Variants in S100Z observed in about 807,000 individuals in gnomAD.
The protein encoded by S100Z is protein S100-Z.
S100Z carries 11 observed loss-of-function variants against 8.5 expected under a neutral mutation model. That is an observed-to-expected ratio of 1.30 (90% CI 0.82 to 2.15). The LOEUF is 2.15. S100Z is among the 30% of genes most tolerant of loss of function. The pLI, the probability that S100Z is intolerant of heterozygous loss-of-function variation, is 0.00. For missense variants in S100Z, 126 were observed against 117.9 expected (o/e 1.07, Z -0.32); for synonymous variants, 34 against 43.8 (o/e 0.78, Z 0.89).
At chr5:76,866,156 C>T (rs763033242) in intron 1 of S100Z, among the ~76,000 whole-genome samples, 5 of 149,810 alleles carry the variant, frequency 3.3e-5, no homozygotes, top group Middle Eastern at 3.2e-3. Context: ...GTGATCTTGG[C>T]TCACTGCAAC....
chr5:76,929,815 A>C, the S100Z span, among the ~76,000 whole-genome samples: 1 of 152,240 alleles, frequency 6.6e-6, no homozygotes, highest in African/African-American at 2.4e-5. Flanking sequence ...GGTGTTATTT[A>C]CCATACCAAA....
At chr5:76,934,917 G>T in the S100Z span, among the ~76,000 whole-genome samples, 2,356 of 152,282 alleles carry the variant, frequency 0.015, 29 homozygotes, top group Non-Finnish European at 0.026. Context: ...CTCCTGGAGG[G>T]ATTTCCAACG....
At chr5:76,938,873 A>G in the S100Z span, among the ~76,000 whole-genome samples, 21 of 152,300 alleles carry the variant, frequency 1.4e-4, no homozygotes, top group South Asian at 4.4e-3. Flanking sequence ...TCATGCAAAA[A>G]AAATTCTAAA....
the S100Z span, among the ~76,000 whole-genome samples, chr5:76,930,642 C>T: frequency 6.6e-6 from 1 of 152,082 alleles, no homozygotes; most frequent in South Asian, 2.1e-4. Context: ...CTGAAAATTC[C>T]CTGTTAGCTT....
chr5:76,923,588 G>A (rs7445566), downstream of S100Z, among the ~76,000 whole-genome samples: 2 of 151,078 alleles, frequency 1.3e-5, no homozygotes, highest in Non-Finnish European at 3.0e-5. Context: ...TCCCACCCAC[G>A]ATGGTTCCTC....
intron 1 of S100Z, among the ~76,000 whole-genome samples, chr5:76,857,120 C>T (rs1029471428): frequency 1.2e-4 from 18 of 152,136 alleles, no homozygotes; most frequent in African/African-American, 3.9e-4. Context: ...GGTGAAACCC[C>T]GTCTCTACTA....
chr5:76,912,881 T>G (rs1744716966), intron 4 of S100Z, among the ~76,000 whole-genome samples: 3 of 70,088 alleles, frequency 4.3e-5, no homozygotes, highest in African/African-American at 1.8e-4. Flanking sequence ...AAAGAAGGAG[T>G]CAGAGAGAGA....
At chr5:76,875,032 G>A (rs925481177) in intron 2 of S100Z, among the ~76,000 whole-genome samples, 5 of 152,132 alleles carry the variant, frequency 3.3e-5, no homozygotes, top group Non-Finnish European at 7.4e-5. Context: ...GGGACTACAG[G>A]CGCCCGCCGC....
chr5:76,854,046 A>G (rs1483628399), intron 1 of S100Z, among the ~76,000 whole-genome samples: 1 of 152,142 alleles, frequency 6.6e-6, no homozygotes, highest in African/African-American at 2.4e-5. Context: ...AAGTTTCCTG[A>G]GGCCTCCCCA....
At chr5:76,882,735 T>C (rs1464439818) in intron 4 of S100Z, among the ~76,000 whole-genome samples, 2 of 152,216 alleles carry the variant, frequency 1.3e-5, no homozygotes, top group Admixed American at 1.3e-4. Context: ...TAATGGGGGC[T>C]GTCCGTGAAG....
chr5:76,875,953 G>C (rs943923938), intron 3 of S100Z, among the ~76,000 whole-genome samples: 1 of 152,186 alleles, frequency 6.6e-6, no homozygotes, highest in Non-Finnish European at 1.5e-5. Flanking sequence ...AATACTTAGA[G>C]AGCTTTGTCA....
chr5:76,939,440 C>T, the S100Z span, among the ~76,000 whole-genome samples: 1 of 150,408 alleles, frequency 6.6e-6, no homozygotes, highest in African/African-American at 2.4e-5. Context: ...GCGTGAGCCA[C>T]TGCGCCTGGC....
chr5:76,934,006 A>G, the S100Z span, among the ~76,000 whole-genome samples: 1 of 152,242 alleles, frequency 6.6e-6, no homozygotes, highest in South Asian at 2.1e-4. Flanking sequence ...CATTTAGCAT[A>G]GTGTTTTCAA....
Position 76,912,836 on chromosome 5 carries a change from G to A in S100Z, c.*3-7881G>A, listed in dbSNP as rs1184941235. Among the ~76,000 whole-genome samples the A allele has an allele frequency of 4.0e-5, 6 of 151,874 alleles. No individual in the cohort carries two copies. The South Asian group carries it at 1.0e-3, about 26-fold the overall frequency. ...CCAGCAGAAAGAAAAGAGAGAAAGA[G>A]ACAGAAAGAGAGAGAGAGAGGAAGA... On this transcript the variant is annotated intron_variant, in intron 4 of 4. Coordinates refer to ENST00000317593, the MANE Select transcript of S100Z (RefSeq NM_130772.4).
chr5:76,924,881 C>A (rs1346111159), downstream of S100Z, among the ~76,000 whole-genome samples: 1 of 151,154 alleles, frequency 6.6e-6, no homozygotes, highest in African/African-American at 2.4e-5. Flanking sequence ...CCACGGCACT[C>A]CAGCCTGGGC....
chr5:76,915,704 G>A (rs1429104172), intron 4 of S100Z, among the ~76,000 whole-genome samples: 1 of 152,144 alleles, frequency 6.6e-6, no homozygotes, highest in African/African-American at 2.4e-5. Context: ...TACATTAAAT[G>A]TAAATGGTTT....
chr5:76,879,073 G>A (rs371406374), intron 4 of S100Z, among the ~76,000 whole-genome samples: 2 of 152,230 alleles, frequency 1.3e-5, no homozygotes, highest in East Asian at 3.9e-4. Flanking sequence ...AATAGTTCTG[G>A]ACAATGTGAG....
intron 1 of S100Z, among the ~76,000 whole-genome samples, chr5:76,866,081 TTTTG>T (rs1168995806): frequency 2.0e-5 from 3 of 151,126 alleles, no homozygotes; most frequent in Non-Finnish European, 2.9e-5. Flanking sequence ...AAAGAAAAAT[TTTTG>T]TTTGTTTGCT....
At chr5:76,933,473 A>G in the S100Z span, among the ~76,000 whole-genome samples, 3 of 151,968 alleles carry the variant, frequency 2.0e-5, no homozygotes, top group African/African-American at 7.3e-5. Flanking sequence ...CGACATAACC[A>G]CTCACCTGCT....
Sources: allele counts gnomAD v4.1 joint callset (sites outside exome capture counted in the v4.1 genomes callset), GRCh38; gene constraint gnomAD v4.1.1; transcripts MANE v1.5; gene names NCBI Gene and HGNC (gene_info 2026-07-23, HGNC 2026-07-21).